Variants in SUCO observed in about 807,000 individuals in gnomAD.
The protein encoded by SUCO is SUN domain-containing ossification factor.
A neutral mutation model predicts 148.1 loss-of-function variants in SUCO; 57 were observed. The ratio of observed to expected loss-of-function variants is 0.38; its 90% CI spans 0.31 to 0.48. SUCO has a LOEUF of 0.48. Ranked by LOEUF, SUCO falls within the 20% of genes least tolerant of loss-of-function variation. The pLI is 0.96. For missense variants in SUCO, 1,331 were observed against 1,468.2 expected (o/e 0.91, Z 1.53); for synonymous variants, 470 against 502.7 (o/e 0.93, Z 0.87).
intron 3 of SUCO, among the ~76,000 whole-genome samples, chr1:172,554,036 C>T (rs931734741): frequency 6.6e-6 from 1 of 152,128 alleles, no homozygotes; most frequent in Non-Finnish European, 1.5e-5. Flanking sequence ...CATTTCAACT[C>T]AGAATGAGGG....
intron 20 of SUCO, among the ~76,000 whole-genome samples, chr1:172,600,911 GTGTT>G (rs1364883223): frequency 6.6e-6 from 1 of 152,204 alleles, no homozygotes; most frequent in Non-Finnish European, 1.5e-5. Context: ...ACAGTGTAAT[GTGTT>G]TGACAGCAGA....
rs537817798 is a variant in SUCO, at chr1:172,559,040, A to C, written c.732+1246A>C. 2.0e-5 allele frequency among the ~76,000 whole-genome samples: 3 copies of C among 152,340 alleles called. No individual in the cohort carries two copies. In the East Asian group the frequency reaches 5.8e-4, roughly 29 times the overall value. On this transcript the variant is annotated intron_variant, in intron 6 of 23. Coordinates refer to ENST00000263688, the MANE Select transcript of SUCO (RefSeq NM_014283.5). ...AATGAGCACATTATGAGTAATAGCC[A>C]ATAGTTTTATGTAGTATCTACTTCA...
At chr1:172,569,168 A>ATT in intron 7 of SUCO, 26 bp downstream of exon 7, 4 of 1,418,546 alleles carry the variant, frequency 2.8e-6, no homozygotes, top group East Asian at 2.5e-5. Flanking sequence ...AGTTCTTTAA[A>ATT]TTTTTTTTTT....
intron 1 of SUCO, chr1:172,543,141 T>A: frequency 2.8e-6 from 1 of 350,928 alleles, no homozygotes; most frequent in Non-Finnish European, 4.0e-6. Context: ...TTTGATTATG[T>A]CAGTCCCCTG....
At chr1:172,552,662 A>G (rs1306141993) in intron 2 of SUCO, 1 of 974,890 alleles carries the variant, frequency 1.0e-6, no homozygotes, top group East Asian at 1.1e-4. Flanking sequence ...AAAAAAAACT[A>G]TAATTTTATA....
chr1:172,538,759 C>T (rs993619746), intron 1 of SUCO, among the ~76,000 whole-genome samples: 1 of 151,922 alleles, frequency 6.6e-6, no homozygotes, highest in Non-Finnish European at 1.5e-5. Context: ...AAAAGTTTAT[C>T]TTTGCTCTAG....
chr1:172,549,987 T>C (rs1297997271), intron 1 of SUCO, among the ~76,000 whole-genome samples: 1 of 151,920 alleles, frequency 6.6e-6, no homozygotes, highest in Non-Finnish European at 1.5e-5. Flanking sequence ...ACCTAGGCAT[T>C]CCATTTCTTC....
intron 17 of SUCO, among the ~76,000 whole-genome samples, chr1:172,587,742 G>T (rs1656339626): frequency 6.6e-6 from 1 of 151,998 alleles, no homozygotes; most frequent in Non-Finnish European, 1.5e-5. Flanking sequence ...TTTATTTGAA[G>T]ACATTTCCTG....
At chr1:172,556,389 A>G (rs1200615326) in intron 4 of SUCO, among the ~76,000 whole-genome samples, 5 of 152,194 alleles carry the variant, frequency 3.3e-5, no homozygotes, top group Admixed American at 3.3e-4. Context: ...TATCACTGTC[A>G]TTTCATTCAT....
chr1:172,608,695 C>T, intron 22 of SUCO, 52 bp from the exon 23 acceptor site: 2 of 1,224,036 alleles, frequency 1.6e-6, no homozygotes, highest in Non-Finnish European at 2.4e-6. Context: ...ATAGCAAATC[C>T]ACCAAATCCA....
At chr1:172,558,090 A>G (rs1200679409) in intron 6 of SUCO, among the ~76,000 whole-genome samples, 1 of 152,198 alleles carries the variant, frequency 6.6e-6, no homozygotes, top group African/African-American at 2.4e-5. Flanking sequence ...TTATTTAATC[A>G]TCTTCTTAGA....
chr1:172,609,613 T>C lies in SUCO; in HGVS notation c.3322-203T>C, dbSNP rs1375346328. 4.1e-6 allele frequency: 4 copies of C among 985,024 alleles called. No individual in the cohort carries two copies. The African/African-American group carries it at 7.0e-5, about 17-fold the overall frequency. The allele number at this position is 985,024 out of a possible 1,614,324, so 61.0% of individuals were successfully genotyped here. Reference sequence around the variant, plus strand: ...GTAGCAGGTAAGCAATTTAAAGAGTTTTGATTCAGTAGTATTTACAAAATG... The same window carrying C: ...GTAGCAGGTAAGCAATTTAAAGAGTCTTGATTCAGTAGTATTTACAAAATG... On this transcript the variant is annotated intron_variant, in intron 23 of 23. Transcript: ENST00000263688.
At chr1:172,567,994 T>C (rs1283054828) in intron 6 of SUCO, among the ~76,000 whole-genome samples, 1 of 152,212 alleles carries the variant, frequency 6.6e-6, no homozygotes, top group Non-Finnish European at 1.5e-5. Context: ...GAATTCTGCC[T>C]CCTGTCATAT....
At chr1:172,602,576 T>TC in intron 21 of SUCO, 120 bp from the exon 22 acceptor site, 1 of 1,476,402 alleles carries the variant, frequency 6.8e-7, no homozygotes, top group Non-Finnish European at 8.9e-7. Context: ...AACTGGAGTG[T>TC]TAGAGTTAGT....
chr1:172,557,391 A>G lies in SUCO; in HGVS notation c.555A>G (p.Gln185=). 6.2e-7 allele frequency: 1 copy of G among 1,613,960 alleles called. No individual in the cohort carries two copies. Among genetic ancestry groups the G allele is most frequent in the Non-Finnish European group, 8.5e-7 (1 of 1,179,894 alleles). The part of the protein sequence containing the change: ...EALDASAPIE[Q]PSFVSPPDSL... ...TTGATGCTAGTGCTCCAATTGAACA[A>G]CCTTCCTTTGTCAGTCCACCTGACA... is the stretch of plus-strand genomic sequence containing the variant. Residue 185 remains glutamine, a synonymous_variant, in exon 5 of 24, where the codon CAA becomes CAG. Coordinates refer to ENST00000263688, the MANE Select transcript of SUCO (RefSeq NM_014283.5).
At chr1:172,590,565 T>C (rs1006439373) in intron 18 of SUCO, among the ~76,000 whole-genome samples, 10 of 152,176 alleles carry the variant, frequency 6.6e-5, no homozygotes, top group African/African-American at 2.4e-4. Context: ...TGCAAACATC[T>C]AGGCACAAGT....
At chr1:172,575,167 A>G (rs1655343673) in intron 10 of SUCO, among the ~76,000 whole-genome samples, 1 of 152,030 alleles carries the variant, frequency 6.6e-6, no homozygotes, top group African/African-American at 2.4e-5. Flanking sequence ...ACTTGTATTT[A>G]TACTTTACAT....
In SUCO at chr1:172,589,361, G is replaced by A. The variant is rs1474978054; in HGVS notation, c.2260G>A (p.Glu754Lys). The change falls in exon 18 of 24, where the codon GAA becomes AAA. Residue 754 changes from glutamate (E) to lysine (K), a missense_variant. Around this residue, in one of 3 missense-constraint regions of SUCO, gnomAD observed 992 missense variants for 1,093.5 expected, o/e 0.91. Coordinates refer to ENST00000263688, the MANE Select transcript of SUCO (RefSeq NM_014283.5). ...LPKIEVSESV[E>K]YEAGHIPSPV... ...TAAAATAGAAGTATCTGAGTCTGTT[G>A]AATATGAGGCAGGACATATACCATC... 6.2e-7 allele frequency: 1 copy of A among 1,613,542 alleles called. No homozygotes were observed. Among genetic ancestry groups the A allele is most frequent in the African/African-American group, 1.3e-5 (1 of 74,874 alleles).
intron 22 of SUCO, among the ~76,000 whole-genome samples, chr1:172,605,848 TAAATA>T (rs1275960171): frequency 1.3e-5 from 2 of 151,836 alleles, no homozygotes; most frequent in African/African-American, 4.8e-5. Flanking sequence ...TCAGCAATGT[TAAATA>T]AAAGTGATTG....
Sources: gnomAD v4.1 joint callset for allele counts (sites outside exome capture counted in the v4.1 genomes callset) on GRCh38, gnomAD v4.1.1 for gene constraint, gnomAD v4.1.1 regional missense constraint, MANE v1.5 for transcripts, NCBI Gene and HGNC (gene_info 2026-07-23, HGNC 2026-07-21) for gene names.